The following ETV1 variants were observed in gnomAD, a reference collection of about 807,000 sequenced individuals.
ETV1 encodes ETS variant transcription factor 1, also known as ETS translocation variant 1.
In ETV1, 27 loss-of-function variants were observed where a neutral mutation model predicts 62.3. That is an observed-to-expected ratio of 0.43 (90% CI 0.32 to 0.60). The LOEUF is 0.60. Ranked by LOEUF, ETV1 falls within the 20% of genes least tolerant of loss-of-function variation. ETV1 has a pLI of 0.06. For missense variants in ETV1, 605 were observed against 605.8 expected, an observed-to-expected ratio of 1.00 and a Z score of 0.01; for synonymous variants, 222 against 199.6, an observed-to-expected ratio of 1.11 and a Z score of -0.94.
intron 5 of ETV1, among the ~76,000 whole-genome samples, chr7:13,978,430 A>G (rs969633368): frequency 5.3e-5 from 8 of 152,108 alleles, no homozygotes; most frequent in African/African-American, 1.9e-4. Context: ...CCCAAAAAAT[A>G]GAAGTTAGGT....
chr7:13,917,094 C>A (rs1784257750), intron 9 of ETV1, among the ~76,000 whole-genome samples: 1 of 152,032 alleles, frequency 6.6e-6, no homozygotes, highest in East Asian at 1.9e-4. Context: ...TTATAAACTT[C>A]TCTTGTAAGC....
chr7:13,974,564 C>G (rs1445298385), intron 6 of ETV1, among the ~76,000 whole-genome samples: 2 of 152,114 alleles, frequency 1.3e-5, no homozygotes, highest in Non-Finnish European at 2.9e-5. Context: ...GAAGTTCAGT[C>G]AAGGCAGAAT....
chr7:13,915,443 C>G (rs896767186), intron 9 of ETV1, among the ~76,000 whole-genome samples: 1 of 152,190 alleles, frequency 6.6e-6, no homozygotes, highest in African/African-American at 2.4e-5. Flanking sequence ...TATCACCAAT[C>G]TCATTCAAGA....
chr7:13,963,990 C>T (rs531603254), intron 6 of ETV1, among the ~76,000 whole-genome samples: 33 of 152,250 alleles, frequency 2.2e-4, no homozygotes, highest in African/African-American at 7.0e-4. Flanking sequence ...TGAAAGAATA[C>T]AGGAACATGG....
At chr7:13,969,906 C>T (rs776290187) in intron 6 of ETV1, among the ~76,000 whole-genome samples, 18 of 152,050 alleles carry the variant, frequency 1.2e-4, no homozygotes, top group African/African-American at 2.9e-4. Flanking sequence ...GTTGCAGGAA[C>T]GGGGAATAAT....
intron 5 of ETV1, among the ~76,000 whole-genome samples, chr7:13,981,995 T>G (rs1782034940): frequency 1.3e-5 from 2 of 152,122 alleles, no homozygotes; most frequent in Admixed American, 6.6e-5. Flanking sequence ...GTAAAAGCAT[T>G]AATTATGCAG....
Position 13,935,842 on chromosome 7 carries a change from T to C in ETV1, c.420A>G (p.Pro140=). ...GCAGTGGGGACACTGGCGTGCTGGA[T>C]GGTGTGGGGGGGTTGGAGGGCCTCA... ...VGMRPSNPPT[P]SSTPVSPLHH... Residue 140 remains proline, a synonymous_variant, in exon 8 of 14, where the codon CCA becomes CCG. Transcript: ENST00000430479. 1 of 1,613,788 alleles carries C rather than the reference T, an allele frequency of 6.2e-7. No individual in the cohort carries two copies. Among genetic ancestry groups the C allele is most frequent in the Non-Finnish European group, 8.5e-7 (1 of 1,179,832 alleles).
chr7:13,981,138 A>T (rs545449615), intron 5 of ETV1, among the ~76,000 whole-genome samples: 2 of 152,226 alleles, frequency 1.3e-5, no homozygotes, highest in Admixed American at 1.3e-4. Context: ...CAAATAAAAC[A>T]AACGTCAAGT....
chr7:13,940,057 C>T (rs1460935999), intron 6 of ETV1, among the ~76,000 whole-genome samples: 1 of 151,992 alleles, frequency 6.6e-6, no homozygotes, highest in African/African-American at 2.4e-5. Flanking sequence ...AGCTGTAAAT[C>T]CAATAAATAA....
chr7:13,939,391 A>T, intron 6 of ETV1, 145 bp from the exon 7 acceptor site: 1 of 650,698 alleles, frequency 1.5e-6, no homozygotes, highest in East Asian at 3.0e-5. Flanking sequence ...GATGAATTTC[A>T]GTAGCAGAAG....
Position 13,896,015 on chromosome 7 carries a change from T to G in ETV1, c.1285A>C (p.Asn429His), listed in dbSNP as rs369611703. 6.2e-6 allele frequency: 10 copies of G among 1,613,680 alleles called. No homozygotes were observed. The African/African-American group carries it at 1.1e-4, about 17-fold the overall frequency. ...EALFSMAFPD[N>H]QRPLLKTDME... is the part of the protein sequence containing the mutation. ...TCTGTCTTCAGCAGTGGACGCTGAT[T>G]ATCTGGAAAGGCCATGGAGAAAAGG... Residue 429 changes from asparagine (N) to histidine (H), a missense_variant, in exon 14 of 14, where the codon AAT (asparagine) becomes CAT (histidine). Asn to His is a moderately conservative substitution (Grantham distance 68). This residue lies in a region of ETV1 where 79 missense variants were observed against 71.6 expected (regional missense o/e 1.10). Coordinates refer to ENST00000430479, the MANE Select transcript of ETV1 (RefSeq NM_004956.5).
At chr7:13,910,256 G>T in intron 10 of ETV1, among the ~76,000 whole-genome samples, 1 of 132,092 alleles carries the variant, frequency 7.6e-6, no homozygotes, top group African/African-American at 2.9e-5. Context: ...TTGCTGTAAG[G>T]TAAGTCCACA....
At chr7:13,916,093 C>T (rs545835114) in intron 9 of ETV1, among the ~76,000 whole-genome samples, 78 of 152,232 alleles carry the variant, frequency 5.1e-4, no homozygotes, top group Admixed American at 8.5e-4. Context: ...AAGAAGGCAG[C>T]AAAGCTGGAG....
chr7:13,964,272 CTACCCA>C (rs970697611), intron 6 of ETV1, among the ~76,000 whole-genome samples: 6 of 152,212 alleles, frequency 3.9e-5, no homozygotes, highest in Admixed American at 1.3e-4. Context: ...TGCTTCAATA[CTACCCA>C]TACATCTTTA....
At chr7:13,934,791 G>A (rs1786602961) in intron 8 of ETV1, among the ~76,000 whole-genome samples, 1 of 152,066 alleles carries the variant, frequency 6.6e-6, no homozygotes, top group East Asian at 1.9e-4. Context: ...GGCATTCAGG[G>A]TTCTCACAGT....
intron 6 of ETV1, among the ~76,000 whole-genome samples, chr7:13,958,050 A>C (rs1219920798): frequency 2.6e-5 from 4 of 152,188 alleles, no homozygotes; most frequent in Admixed American, 2.6e-4. Flanking sequence ...GGCATACATA[A>C]ATTCTTAGCC....
chr7:13,900,055 G>A (rs1440784671), intron 13 of ETV1, among the ~76,000 whole-genome samples: 1 of 152,172 alleles, frequency 6.6e-6, no homozygotes, highest in Non-Finnish European at 1.5e-5. Context: ...CTTGAACCTG[G>A]GGGACTGAGG....
chr7:13,895,890 G>A lies in ETV1; in HGVS notation c.1410C>T (p.Pro470=), dbSNP rs1363483699. Residue 470 remains proline, a synonymous_variant, in exon 14 of 14, where the codon CCC becomes CCT. Coordinates refer to ENST00000430479, the MANE Select transcript of ETV1 (RefSeq NM_004956.5). The part of the protein sequence containing the change: ...MPEGGCCNPH[P]YNEGYVY ...GTTAATACACGTAGCCTTCGTTGTA[G>A]GGGTGGGGGTTGCAGCAGCCCCCTT... is the stretch of plus-strand genomic sequence containing the variant. 1.5e-5 allele frequency: 25 copies of A among 1,613,496 alleles called. No homozygotes were observed. Among genetic ancestry groups the A allele is most frequent in the Non-Finnish European group, 2.0e-5 (24 of 1,179,748 alleles).
At position 13,986,498 on chromosome 7, in the gene ETV1, T is replaced by C. The variant is rs1034439218; in HGVS notation, c.181+140A>G. ...CCCCAAAGACAAACTCATCAGAGGC[T>C]CTAATGTATGCATGACACATGAGGT... is the stretch of plus-strand genomic sequence containing the variant. On this transcript the variant is annotated intron_variant, in intron 5 of 13. Transcript: ENST00000430479. 2.0e-6 allele frequency: 3 copies of C among 1,522,798 alleles called. No homozygotes were observed. In the African/African-American group the frequency reaches 4.2e-5, roughly 21 times the overall value. 94.3% of individuals were successfully genotyped at this position (1,522,798 alleles called of 1,614,324 possible). A position where few individuals can be genotyped will look rare whatever the true frequency, so the allele number is the denominator to read the frequency against.
Sources: allele counts gnomAD v4.1 joint callset (sites outside exome capture counted in the v4.1 genomes callset), GRCh38; gene constraint gnomAD v4.1.1; regional missense constraint gnomAD v4.1.1; transcripts MANE v1.5; gene names NCBI Gene and HGNC (gene_info 2026-07-23, HGNC 2026-07-21).